The following GPR179 variants were observed in gnomAD, a reference collection of about 807,000 sequenced individuals.
The protein encoded by GPR179 is probable G protein-coupled receptor 179.
In GPR179, 52 loss-of-function variants were observed where a neutral mutation model predicts 70.8. The observed-to-expected ratio is 0.73, with a 90% confidence interval of 0.59 to 0.93. The LOEUF (loss-of-function observed/expected upper bound fraction) is 0.93. Among genes scored for constraint, GPR179 ranks in the 40% least tolerant of loss-of-function variants. The pLI is 0.00. For missense variants in GPR179, 2,734 were observed against 2,966.8 expected (o/e 0.92, Z 1.82); for synonymous variants, 1,123 against 1,169.0 (o/e 0.96, Z 0.80).
At position 38,327,546 on chromosome 17, in the gene GPR179, T is replaced by C; in HGVS notation, c.6023A>G (p.Tyr2008Cys). Residue 2008 changes from tyrosine to cysteine, a missense_variant, in exon 11 of 11, where the codon TAT becomes TGT. Transcript: ENST00000616987. The part of the protein sequence containing the change: ...CPWDVPDAGV[Y>C]KSDSSAKAET... The stretch of plus-strand genomic sequence containing the variant: ...AGCCTTGGCACTGCTGTCAGATTTA[T>C]ACACACCTGCATCAGGAACATCCCA... 1 of 1,614,140 alleles carries C rather than the reference T, an allele frequency of 6.2e-7. No homozygotes were observed. The highest frequency in any genetic ancestry group is 1.1e-5 in the South Asian group (1 of 91,080).
In GPR179 at chr17:38,330,187, G is replaced by T; in HGVS notation, c.3382C>A (p.Arg1128=). The T allele has an allele frequency of 6.4e-7, 1 of 1,568,912 alleles. No homozygotes were observed. The highest frequency in any genetic ancestry group is 1.2e-5 in the South Asian group (1 of 83,184). ...TAGESMGAPS[R]SPRLGRPKAV... Reference sequence around the variant, plus strand: ...TTGGGCCGGCCTAGCCTGGGCGATCGGGAGGGTGCCCCCATACTCTCTCCC... The same window carrying T: ...TTGGGCCGGCCTAGCCTGGGCGATCTGGAGGGTGCCCCCATACTCTCTCCC... Residue 1128 remains arginine (R), a synonymous_variant, in exon 11 of 11, where the codon CGA becomes AGA. Transcript: ENST00000616987.
rs2037377464 is a variant in GPR179 at position 38,333,486 on chromosome 17, C to T, written c.1891-89G>A. Reference sequence around the variant, plus strand: ...ACCTGCCCTGTGGAATGCGTCCTTACTTTGTGACGCTTCACCCCCTTCTCT... The same window carrying T: ...ACCTGCCCTGTGGAATGCGTCCTTATTTTGTGACGCTTCACCCCCTTCTCT... On this transcript the variant is annotated intron_variant, in intron 9 of 10. Transcript: ENST00000616987. 3.1e-6 allele frequency: 4 copies of T among 1,277,394 alleles called. No individual in the cohort carries two copies. The East Asian group carries it at 1.0e-4, about 32-fold the overall frequency. The allele number at this position is 1,277,394 out of a possible 1,614,324, so 79.1% of individuals were successfully genotyped here.
At position 38,330,252 on chromosome 17, in the gene GPR179, C is replaced by T. The variant is rs767517588; in HGVS notation, c.3317G>A (p.Ser1106Asn). 3.1e-6 allele frequency: 5 copies of T among 1,590,610 alleles called. No homozygotes were observed. In the East Asian group the frequency reaches 1.1e-4, roughly 36 times the overall value. ...RSRSTYREKE[S>N]VEESPEGQNS... ...CTGCCCCTCGGGACTCTCCTCCACA[C>T]TCTCCTTCTCTCTGTAGGTGCTCCG... The change falls in exon 11 of 11, where the codon AGT becomes AAT. Residue 1106 changes from serine (S) to asparagine (N), a missense_variant. By Grantham distance (46) the Ser-to-Asn change is conservative. Transcript: ENST00000616987.
chr17:38,334,046 G>A lies in GPR179; in HGVS notation c.1785-8C>T, dbSNP rs754806320. 33 of 1,595,712 alleles carry A rather than the reference G, an allele frequency of 2.1e-5. No homozygotes were observed. Among genetic ancestry groups the A allele is most frequent in the Middle Eastern group, 1.7e-4 (1 of 6,046 alleles). Reference sequence around the variant, plus strand: ...GAGGGAACCAGCACAAACCTGGGGCGGGATAGGGGCGCAGGTCATTACTGC... The same window carrying A: ...GAGGGAACCAGCACAAACCTGGGGCAGGATAGGGGCGCAGGTCATTACTGC... On this transcript the variant is annotated splice_polypyrimidine_tract_variant and splice_region_variant and intron_variant, in intron 8 of 10. Coordinates refer to ENST00000616987, the MANE Select transcript of GPR179 (RefSeq NM_001004334.4). This position sits in a 1 kb window ranked among gnomAD's most constrained non-coding sequence, Gnocchi z 4.7.
chr17:38,337,063 C>G lies in GPR179; in HGVS notation c.1142G>C (p.Arg381Pro). The change falls in exon 4 of 11, where the codon CGG becomes CCG. Residue 381 changes from arginine (R) to proline (P), a missense_variant. By Grantham distance (103) the Arg-to-Pro change is moderately radical. Transcript: ENST00000616987. The stretch of plus-strand genomic sequence containing the variant: ...GGCCTGGCAGGCCAGCACAGCGGCC[C>G]GCAGCACCGCGGCCTCTTCCACCAG... Reference protein sequence around the residue: ...PCLVEEAAVLRAAVLACQACC... With the variant: ...PCLVEEAAVLPAAVLACQACC... 4 of 1,608,134 alleles carry G rather than the reference C, an allele frequency of 2.5e-6. No individual in the cohort carries two copies. The South Asian group carries it at 3.3e-5, about 13-fold the overall frequency.
At chr17:38,341,928 G>A (rs1381775596) in intron 1 of GPR179, among the ~76,000 whole-genome samples, 1 of 152,016 alleles carries the variant, frequency 6.6e-6, no homozygotes, top group Non-Finnish European at 1.5e-5. Flanking sequence ...GACCAGCCTG[G>A]CCAACATAGT....
rs200125665 is a variant in GPR179, at chr17:38,327,298, G to T, written c.6271C>A (p.Pro2091Thr). 77 of 1,614,140 alleles carry T rather than the reference G, an allele frequency of 4.8e-5. No individual in the cohort carries two copies. In the Middle Eastern group the frequency reaches 6.6e-4, roughly 14 times the overall value. The change falls in exon 11 of 11, where the codon CCA (proline) becomes ACA (threonine). Residue 2091 changes from proline to threonine, a missense_variant. Physicochemically the swap from Pro to Thr is conservative, Grantham distance 38. Coordinates refer to ENST00000616987, the MANE Select transcript of GPR179 (RefSeq NM_001004334.4). ...CCTCTGCTTCTGTCAGAAGCATCTGGGGCTGGCTGTGGGGACAGACCCTTG... is the reference window on the plus strand; with the variant it reads ...CCTCTGCTTCTGTCAGAAGCATCTGTGGCTGGCTGTGGGGACAGACCCTTG... ...DGKGLSPQPA[P>T]DASDRSRGSS...
At position 38,326,236 on chromosome 17, in the gene GPR179, C is replaced by T; in HGVS notation, c.*229G>A. The T allele has an allele frequency of 2.0e-6, 1 of 498,112 alleles. No homozygotes were observed. Among genetic ancestry groups the T allele is most frequent in the Non-Finnish European group, 3.5e-6 (1 of 284,284 alleles). The allele number at this position is 498,112 out of a possible 1,614,324, so 30.9% of individuals were successfully genotyped here. On this transcript the variant is annotated 3_prime_UTR_variant, in exon 11 of 11. Transcript: ENST00000616987. ...AAGTAGAGTGTCCAGTCTTTGTTTC[C>T]TCAAACAGGAAGAAAAGTTAGAAGT...
At chr17:38,342,065 C>T (rs528744817) in intron 1 of GPR179, among the ~76,000 whole-genome samples, 4 of 152,044 alleles carry the variant, frequency 2.6e-5, no homozygotes, top group Admixed American at 6.5e-5. Context: ...TGCCGTGAGC[C>T]GAGGTTGCAC....
rs1186456837 is a variant in GPR179, at chr17:38,326,592, G to A, written c.6977C>T (p.Pro2326Leu). ...CTCAGCTTCCTGGAGACTTGGCTCTGGGGCTAAGCTGGTCCTTGGCTCAAG... is the reference window on the plus strand; with the variant it reads ...CTCAGCTTCCTGGAGACTTGGCTCTAGGGCTAAGCTGGTCCTTGGCTCAAG... ...SGLEPRTSLA[P>L]EPSLQEAESQ... Residue 2326 changes from proline to leucine, a missense_variant, in exon 11 of 11, where the codon CCA becomes CTA. Transcript: ENST00000616987. 1 of 1,614,212 alleles carries A rather than the reference G, an allele frequency of 6.2e-7. No individual in the cohort carries two copies. Among genetic ancestry groups the A allele is most frequent in the South Asian group, 1.1e-5 (1 of 91,082 alleles).
Position 38,329,930 on chromosome 17 carries a change from C to A in GPR179, c.3639G>T (p.Lys1213Asn), listed in dbSNP as rs532158997. ...LRQVSRDKNI[K>N]QSKETPVGWQ... ...ACCCGACAGGGGTTTCTTTTGATTG[C>A]TTGATGTTTTTGTCCCTGGAAACTT... Residue 1213 changes from lysine to asparagine, a missense_variant, in exon 11 of 11, where the codon AAG becomes AAT. Coordinates refer to ENST00000616987, the MANE Select transcript of GPR179 (RefSeq NM_001004334.4). 1.2e-6 allele frequency: 2 copies of A among 1,614,182 alleles called. No individual in the cohort carries two copies. The highest frequency in any genetic ancestry group is 1.3e-5 in the African/African-American group (1 of 75,044).
At position 38,329,694 on chromosome 17, in the gene GPR179, TC is replaced by T; in HGVS notation, c.3874del (p.Glu1292ArgfsTer9). The T allele has an allele frequency of 6.2e-7, 1 of 1,614,140 alleles. No individual in the cohort carries two copies. The highest frequency in any genetic ancestry group is 8.5e-7 in the Non-Finnish European group (1 of 1,180,018). On this transcript the variant is annotated frameshift_variant, in exon 11 of 11. Coordinates refer to ENST00000616987, the MANE Select transcript of GPR179 (RefSeq NM_001004334.4). LOFTEE classifies it low-confidence loss of function (END_TRUNC). Reference protein sequence around the residue: ...DPGDSQKKRGEARGKSEPIDV... With the variant: ...DPGDSQKKRGXARGKSEPIDV... ...TATGGGCTCTGATTTTCCCCGGGCC[TC>T]CCCTCTCTTTTTTTGGGAGTCACCT...
Position 38,326,953 on chromosome 17 carries a change from C to A in GPR179, c.6616G>T (p.Val2206Phe). The A allele has an allele frequency of 6.2e-7, 1 of 1,614,172 alleles. No homozygotes were observed. Among genetic ancestry groups the A allele is most frequent in the East Asian group, 2.2e-5 (1 of 44,884 alleles). Reference sequence around the variant, plus strand: ...ATGCTGCCTGCTTCCTTGGGGCTGACTTTGAGTTCTGGGTCCAGGGCACCT... The same window carrying A: ...ATGCTGCCTGCTTCCTTGGGGCTGAATTTGAGTTCTGGGTCCAGGGCACCT... ...QSGALDPELKVSPKEAGSMGS... is the reference protein window; with the variant it reads ...QSGALDPELKFSPKEAGSMGS... The change falls in exon 11 of 11, where the codon GTC becomes TTC. Residue 2206 changes from valine (V) to phenylalanine (F), a missense_variant. By Grantham distance (50) the Val-to-Phe change is conservative. Coordinates refer to ENST00000616987, the MANE Select transcript of GPR179 (RefSeq NM_001004334.4).
At chr17:38,337,849 T>A (rs1306387667) in intron 2 of GPR179, 129 bp from the exon 3 acceptor site, 4 of 738,550 alleles carry the variant, frequency 5.4e-6, no homozygotes, top group Non-Finnish European at 9.1e-6. Context: ...AGGGAATCCC[T>A]CCAGAAGCCC....
intron 9 of GPR179, 37 bp from the exon 10 acceptor site, chr17:38,333,434 C>T (rs1272820822): frequency 6.3e-7 from 1 of 1,597,944 alleles, no homozygotes; most frequent in Non-Finnish European, 8.5e-7. Context: ...AAAGACTCGC[C>T]CTGGCTCCTT....
rs1205837345 is a variant in GPR179, at chr17:38,325,670, A to G, written c.*795T>C. ...CTAAAAAACTAGCAAGAGGCACACA[A>G]GGATGTCTGGAAGGAAGAGCTCCCT... is the stretch of plus-strand genomic sequence containing the variant. On this transcript the variant is annotated 3_prime_UTR_variant, in exon 11 of 11. Transcript: ENST00000616987. The G allele has an allele frequency of 6.6e-6, 1 of 152,360 alleles. No homozygotes were observed. The highest frequency in any genetic ancestry group is 6.6e-5 in the Admixed American group (1 of 15,266). The allele number at this position is 152,360 out of a possible 1,614,324, so 9.4% of individuals were successfully genotyped here.
intron 2 of GPR179, 196 bp downstream of exon 2, chr17:38,339,221 G>C (rs556348724): frequency 1.9e-5 from 10 of 526,956 alleles, no homozygotes; most frequent in Non-Finnish European, 3.0e-5. Context: ...AATAGGGGGT[G>C]GGGGGGCAGG....
In GPR179 at chr17:38,331,409, C is replaced by T. The variant is rs1285711228; in HGVS notation, c.2160G>A (p.Met720Ile). The part of the protein sequence containing the change: ...SSCQGLGRSF[M>I]RYLAEFPEAL... The stretch of plus-strand genomic sequence containing the variant: ...CCTCGGGGAATTCCGCCAGGTACCT[C>T]ATGAAGGAGCGGCCCAGTCCCTGGC... The change falls in exon 11 of 11, where the codon ATG becomes ATA. Residue 720 changes from methionine to isoleucine, a missense_variant. Physicochemically the swap from Met to Ile is conservative, Grantham distance 10. Coordinates refer to ENST00000616987, the MANE Select transcript of GPR179 (RefSeq NM_001004334.4). 1.2e-6 allele frequency: 2 copies of T among 1,614,166 alleles called. No homozygotes were observed. The highest frequency in any genetic ancestry group is 1.7e-6 in the Non-Finnish European group (2 of 1,180,018).
In GPR179 at chr17:38,326,673, C is replaced by T; in HGVS notation, c.6896G>A (p.Arg2299Lys). ...ESKIPCPKVS[R>K]PASTFTLEGV... ...TTCTAGAGTGAAAGTACTGGCTGGC[C>T]TGCTTACCTTGGGGCAGGGGATTTT... is the stretch of plus-strand genomic sequence containing the variant. The change falls in exon 11 of 11, where the codon AGG (arginine) becomes AAG (lysine). Residue 2299 changes from arginine to lysine, a missense_variant. Physicochemically the swap from Arg to Lys is conservative, Grantham distance 26 (BLOSUM62 2). Coordinates refer to ENST00000616987, the MANE Select transcript of GPR179 (RefSeq NM_001004334.4). 6.2e-7 allele frequency: 1 copy of T among 1,614,190 alleles called. No individual in the cohort carries two copies. Among genetic ancestry groups the T allele is most frequent in the South Asian group, 1.1e-5 (1 of 91,080 alleles).
Sources: allele counts gnomAD v4.1 joint callset (sites outside exome capture counted in the v4.1 genomes callset), GRCh38; gene constraint gnomAD v4.1.1; non-coding constraint Gnocchi (gnomAD v3.1); transcripts MANE v1.5; gene names NCBI Gene and HGNC (gene_info 2026-07-23, HGNC 2026-07-21).